GRM7: variants seen among roughly 807,000 people sequenced by gnomAD.
GRM7 encodes metabotropic glutamate receptor 7.
A neutral mutation model predicts 84.5 loss-of-function variants in GRM7; 35 were observed. That is an observed-to-expected ratio of 0.41 (90% CI 0.32 to 0.55). GRM7 has a LOEUF of 0.55. Ranked by LOEUF, GRM7 falls within the 20% of genes least tolerant of loss-of-function variation. The pLI is 0.19. For synonymous variants in GRM7, 487 were observed against 455.1 expected (o/e 1.07, Z -0.89); for missense variants, 1,003 against 1,194.6 (o/e 0.84, Z 2.36).
At chr3:7,410,679 C>A (rs145368439) in intron 4 of GRM7, among the ~76,000 whole-genome samples, 2,890 of 151,602 alleles carry the variant, frequency 0.019, 56 homozygotes, top group Non-Finnish European at 0.032. Context: ...CACACACACA[C>A]GCACATTTTG....
At chr3:7,045,537 A>G (rs1696775346) in intron 1 of GRM7, among the ~76,000 whole-genome samples, 1 of 152,072 alleles carries the variant, frequency 6.6e-6, no homozygotes, top group African/African-American at 2.4e-5. Flanking sequence ...AATATCTCCC[A>G]ATTTCCTTCT....
At chr3:7,552,066 C>T (rs1425617148) in intron 7 of GRM7, among the ~76,000 whole-genome samples, 1 of 152,194 alleles carries the variant, frequency 6.6e-6, no homozygotes, top group African/African-American at 2.4e-5. Flanking sequence ...GGAGAAACCA[C>T]TCCCATAATT....
chr3:7,453,870 C>T (rs2124894369), intron 6 of GRM7, among the ~76,000 whole-genome samples: 1 of 152,260 alleles, frequency 6.6e-6, no homozygotes, highest in South Asian at 2.1e-4. Context: ...TGCAACATTT[C>T]TTCCTCCAGG....
At chr3:6,907,386 T>C (rs1696620642) in intron 1 of GRM7, among the ~76,000 whole-genome samples, 1 of 152,192 alleles carries the variant, frequency 6.6e-6, no homozygotes, top group South Asian at 2.1e-4. Context: ...GACGTGATCA[T>C]TAAAGGGTTA....
At chr3:7,302,676 A>G (rs535177656) in intron 3 of GRM7, among the ~76,000 whole-genome samples, 2 of 152,162 alleles carry the variant, frequency 1.3e-5, no homozygotes, top group East Asian at 3.9e-4. Flanking sequence ...TTTATCATGT[A>G]TTTAATTTTA....
intron 1 of GRM7, among the ~76,000 whole-genome samples, chr3:6,879,389 G>C (rs148762708): frequency 6.6e-6 from 1 of 152,114 alleles, no homozygotes; most frequent in Non-Finnish European, 1.5e-5. Flanking sequence ...CTTACTTGAC[G>C]TTGTTTTGTG....
intron 1 of GRM7, among the ~76,000 whole-genome samples, chr3:7,026,012 A>G (rs1475569630): frequency 6.6e-6 from 1 of 152,192 alleles, no homozygotes; most frequent in Non-Finnish European, 1.5e-5. Flanking sequence ...TCATCCCCCA[A>G]CACCCCTGAC....
intron 9 of GRM7, among the ~76,000 whole-genome samples, chr3:7,729,042 CTTTTT>C (rs5846541): frequency 1.6e-4 from 9 of 55,872 alleles, no homozygotes; most frequent in East Asian, 9.3e-4. Context: ...TGCCCTCAGG[CTTTTT>C]TTTTTTTTTT....
intron 2 of GRM7, among the ~76,000 whole-genome samples, chr3:7,172,870 C>A (rs991635286): frequency 6.6e-6 from 1 of 151,930 alleles, no homozygotes; most frequent in African/African-American, 2.4e-5. Flanking sequence ...ATGTCAGCCC[C>A]ACTGTCAAGA....
intron 7 of GRM7, among the ~76,000 whole-genome samples, chr3:7,526,661 T>C (rs1700818618): frequency 3.3e-5 from 5 of 152,090 alleles, no homozygotes; most frequent in Admixed American, 3.3e-4. Context: ...GTTGGAGGTT[T>C]TAACATTTAA....
chr3:7,341,314 G>T (rs1471371581), intron 4 of GRM7, among the ~76,000 whole-genome samples: 4 of 147,780 alleles, frequency 2.7e-5, no homozygotes, highest in African/African-American at 1.1e-4. Flanking sequence ...AAAGGAGATT[G>T]TGTGTGTGTG....
chr3:7,272,796 G>C (rs1198667892), intron 2 of GRM7, among the ~76,000 whole-genome samples: 3 of 151,676 alleles, frequency 2.0e-5, no homozygotes, highest in Admixed American at 2.0e-4. Context: ...CAAAGAACCA[G>C]CTCTTGGTTT....
rs1575012688 is a variant in GRM7, at chr3:6,918,169, G to A, written c.519+56262G>A. ...AGTATTTTACAGAAGAGGAAACAAA[G>A]GCTGTAAAGGAAAGCTTCTTGCTCA... On this transcript the variant is annotated intron_variant, in intron 1 of 9. Transcript: ENST00000357716. 2.6e-5 allele frequency among the ~76,000 whole-genome samples: 4 copies of A among 152,126 alleles called. No homozygotes were observed. The South Asian group carries it at 8.3e-4, about 32-fold the overall frequency.
At chr3:7,678,977 A>G (rs1050999536) in intron 8 of GRM7, among the ~76,000 whole-genome samples, 1 of 152,194 alleles carries the variant, frequency 6.6e-6, no homozygotes, top group African/African-American at 2.4e-5. Flanking sequence ...CCAGAAAGAC[A>G]GATCCTGCCT....
At chr3:6,934,752 T>G (rs1697629282) in intron 1 of GRM7, among the ~76,000 whole-genome samples, 1 of 152,096 alleles carries the variant, frequency 6.6e-6, no homozygotes, top group Admixed American at 6.6e-5. Flanking sequence ...CAGAAACATA[T>G]TTAGGATGAA....
At chr3:7,511,376 T>C (rs1398128989) in intron 7 of GRM7, among the ~76,000 whole-genome samples, 2 of 150,472 alleles carry the variant, frequency 1.3e-5, no homozygotes, top group Non-Finnish European at 2.9e-5. Flanking sequence ...CCTTCAAAGA[T>C]AAACAGAAGC....
At chr3:7,637,880 G>T (rs889198866) in intron 8 of GRM7, among the ~76,000 whole-genome samples, 22 of 152,168 alleles carry the variant, frequency 1.4e-4, no homozygotes, top group Admixed American at 1.3e-3. Context: ...TTAGTCACAG[G>T]CGGCAGTCAC....
chr3:7,599,782 T>A (rs1696228974), intron 8 of GRM7, among the ~76,000 whole-genome samples: 1 of 152,032 alleles, frequency 6.6e-6, no homozygotes, highest in Non-Finnish European at 1.5e-5. Flanking sequence ...AAGCCCTAAT[T>A]AAGGCTGTCA....
chr3:6,863,292 G>A lies in GRM7; in HGVS notation c.519+1385G>A, dbSNP rs1460216779. 6.6e-6 allele frequency among the ~76,000 whole-genome samples: 1 copy of A among 151,972 alleles called. No homozygotes were observed. Among genetic ancestry groups the A allele is most frequent in the African/African-American group, 2.4e-5 (1 of 41,380 alleles). On this transcript the variant is annotated intron_variant, in intron 1 of 9. Coordinates refer to ENST00000357716, the MANE Select transcript of GRM7 (RefSeq NM_000844.4). This position sits in a 1 kb window ranked among gnomAD's most constrained non-coding sequence, Gnocchi z 4.8. ...TACCCAAACCTAGTTAATCTCTTCC[G>A]CAGATGTACACGCTGATCCTGGCAC...
Sources: gnomAD v4.1 joint callset for allele counts (sites outside exome capture counted in the v4.1 genomes callset) on GRCh38, gnomAD v4.1.1 for gene constraint, Gnocchi (gnomAD v3.1) non-coding constraint, MANE v1.5 for transcripts, NCBI Gene and HGNC (gene_info 2026-07-23, HGNC 2026-07-21) for gene names.